Variants in TBC1D16 observed in about 807,000 individuals in gnomAD.
The protein encoded by TBC1D16 is CTD-2529O21.1.
A neutral mutation model predicts 74.7 loss-of-function variants in TBC1D16; 58 were observed. That is an observed-to-expected ratio of 0.78 (90% confidence interval 0.63 to 0.97). The LOEUF (loss-of-function observed/expected upper bound fraction) is 0.97. TBC1D16 is among the 50% of genes least tolerant of loss of function. The probability of loss-of-function intolerance (pLI) is 0.00; values close to 1 mark genes in which losing one functional copy is unlikely to be tolerated. For missense variants in TBC1D16, 1,014 were observed against 1,079.5 expected (o/e 0.94, Z 0.85); for synonymous variants, 493 against 474.7 (o/e 1.04, Z -0.50).
In TBC1D16 at chr17:80,013,526, G is replaced by T; in HGVS notation, c.22C>A (p.Arg8Ser). 6.5e-7 allele frequency: 1 copy of T among 1,546,896 alleles called. No homozygotes were observed. Among genetic ancestry groups the T allele is most frequent in the Non-Finnish European group, 8.7e-7 (1 of 1,146,970 alleles). MSLGRLL[R>S]RASSKASDLL... ...TCCGAGGCTTTGGAGGAGGCCCTGC[G>T]AAGGAGGCGGCCCAGAGACATTGCC... The change falls in exon 2 of 12, where the codon CGC becomes AGC. Residue 8 changes from arginine (R) to serine (S), a missense_variant. Transcript: ENST00000310924.
chr17:79,998,163 G>C (rs945451684), intron 3 of TBC1D16, among the ~76,000 whole-genome samples: 1 of 146,610 alleles, frequency 6.8e-6, no homozygotes, highest in Non-Finnish European at 1.5e-5. Flanking sequence ...GAAAAGAAAA[G>C]GAAAAAGAAT....
In TBC1D16 at chr17:79,947,809, C is replaced by T. The variant is rs73440361; in HGVS notation, c.1564G>A (p.Val522Met). 1.9e-4 allele frequency: 312 copies of T among 1,613,520 alleles called. No individual in the cohort carries two copies. The African/African-American group carries it at 3.2e-3, about 16-fold the overall frequency. ...SMRRILLNYAVYNPAVGYSQG... is the reference protein window; with the variant it reads ...SMRRILLNYAMYNPAVGYSQG... ...GAATAGCCGACGGCAGGGTTGTACA[C>T]GGCGTAGTTCAGCAGGATCCTCCTG... Residue 522 changes from valine to methionine, a missense_variant, in exon 9 of 12, where the codon GTG (valine) becomes ATG (methionine). By Grantham distance (21) the Val-to-Met change is conservative. Coordinates refer to ENST00000310924, the MANE Select transcript of TBC1D16 (RefSeq NM_019020.4).
At chr17:80,011,285 G>A (rs1274604352) in intron 2 of TBC1D16, among the ~76,000 whole-genome samples, 2 of 149,988 alleles carry the variant, frequency 1.3e-5, no homozygotes, top group East Asian at 2.0e-4. Flanking sequence ...GAGCTCAAGC[G>A]AACCGCCCAC....
chr17:80,014,032 C>T (rs2036001576), intron 1 of TBC1D16, among the ~76,000 whole-genome samples: 1 of 152,144 alleles, frequency 6.6e-6, no homozygotes, highest in Non-Finnish European at 1.5e-5. Flanking sequence ...CCACCTGCAT[C>T]AGCACAAATG....
At chr17:80,029,346 G>A (rs1393069192) in intron 1 of TBC1D16, among the ~76,000 whole-genome samples, 1 of 152,160 alleles carries the variant, frequency 6.6e-6, no homozygotes, top group Non-Finnish European at 1.5e-5. Flanking sequence ...TCACAATGCT[G>A]TTGGGAACTG....
At chr17:80,017,678 C>T (rs113700234) in intron 1 of TBC1D16, among the ~76,000 whole-genome samples, 10,044 of 76,138 alleles carry the variant, frequency 0.13, 396 homozygotes, top group Non-Finnish European at 0.15. Flanking sequence ...AAGACTCCAT[C>T]TCAAAAAAAA....
chr17:79,975,098 G>T lies in TBC1D16; in HGVS notation c.780-22280C>A, dbSNP rs1173782382. ...ACTGCCAGTGGGCGCAACGTTACTTGCAAGGCCACAAACACCCGGAACAAT... is the reference window on the plus strand; with the variant it reads ...ACTGCCAGTGGGCGCAACGTTACTTTCAAGGCCACAAACACCCGGAACAAT... On this transcript the variant is annotated intron_variant, in intron 3 of 11. Transcript: ENST00000310924. The surrounding 1 kb of genome is among the most constrained non-coding windows in gnomAD (Gnocchi z 4.5). 6.6e-6 allele frequency among the ~76,000 whole-genome samples: 1 copy of T among 152,206 alleles called. No individual in the cohort carries two copies. Among genetic ancestry groups the T allele is most frequent in the African/African-American group, 2.4e-5 (1 of 41,446 alleles).
At chr17:80,024,845 G>GAC (rs2036491304) in intron 1 of TBC1D16, among the ~76,000 whole-genome samples, 1 of 134,342 alleles carries the variant, frequency 7.4e-6, no homozygotes, top group Non-Finnish European at 1.5e-5. Flanking sequence ...ACACACCGTA[G>GAC]ACACACACCA....
chr17:79,963,868 G>A (rs1330712778), intron 3 of TBC1D16, among the ~76,000 whole-genome samples: 3 of 152,154 alleles, frequency 2.0e-5, no homozygotes, highest in Admixed American at 1.3e-4. Context: ...TCGGGCATTC[G>A]TGTCTCTTCT....
Position 80,001,267 on chromosome 17 carries a change from G to C in TBC1D16, c.779+8893C>G, listed in dbSNP as rs1041922099. Among the ~76,000 whole-genome samples the C allele has an allele frequency of 5.3e-5, 8 of 152,360 alleles. No individual in the cohort carries two copies. Among genetic ancestry groups the C allele is most frequent in the East Asian group, 1.9e-4 (1 of 5,190 alleles). On this transcript the variant is annotated intron_variant, in intron 3 of 11. Transcript: ENST00000310924. This position sits in a 1 kb window ranked among gnomAD's most constrained non-coding sequence, Gnocchi z 5.8. ...GTGGTGGCCACCTTGGCTTGGGCAG[G>C]GGGGAGTCTGGGGGAGGGAGGAACG...
chr17:80,028,063 C>T (rs2036646344), intron 1 of TBC1D16, among the ~76,000 whole-genome samples: 1 of 152,008 alleles, frequency 6.6e-6, no homozygotes, highest in Non-Finnish European at 1.5e-5. Flanking sequence ...CTCCGAGACG[C>T]TCCTTTTATA....
rs1187271145 is a variant in TBC1D16, at chr17:79,948,859, G to A, written c.1541+13C>T. 1 of 1,613,976 alleles carries A rather than the reference G, an allele frequency of 6.2e-7. No homozygotes were observed. ...CTTGCAGATGGGAAAGGAGCTGGCT[G>A]GGGAGGGAGTACCTCATGCTCTCCA... On this transcript the variant is annotated intron_variant, in intron 8 of 11. Transcript: ENST00000310924.
At chr17:80,019,310 CGGA>C (rs1478594722) in intron 1 of TBC1D16, among the ~76,000 whole-genome samples, 2 of 149,824 alleles carry the variant, frequency 1.3e-5, no homozygotes, top group Non-Finnish European at 1.5e-5. Flanking sequence ...TGCAGCTTTA[CGGA>C]GGAGAAGACA....
rs1165853773 is a variant in TBC1D16 at position 79,941,248 on chromosome 17, C to G, written c.2056-141G>C. The G allele has an allele frequency of 2.5e-6, 2 of 788,302 alleles. No individual in the cohort carries two copies. The highest frequency in any genetic ancestry group is 3.9e-6 in the Non-Finnish European group (2 of 515,948). 48.8% of individuals were successfully genotyped at this position (788,302 alleles called of 1,614,324 possible). On this transcript the variant is annotated intron_variant, in intron 11 of 11. Transcript: ENST00000310924. This position sits in a 1 kb window ranked among gnomAD's most constrained non-coding sequence, Gnocchi z 4.3. ...CTCACCGAGTCCTGGACTGAGGGCT[C>G]TGCCTGCATCTCCCACCATCACCGG...
In TBC1D16 at chr17:79,979,639, G is replaced by A. The variant is rs182210445; in HGVS notation, c.780-26821C>T. On this transcript the variant is annotated intron_variant, in intron 3 of 11. Transcript: ENST00000310924. This position sits in a 1 kb window ranked among gnomAD's most constrained non-coding sequence, Gnocchi z 4.8. ...TCGGTGCCATAAAAAGGCACACGTC[G>A]ACCTTCACTGTTTCCTGCAAACACA... Among the ~76,000 whole-genome samples the A allele has an allele frequency of 5.3e-5, 8 of 152,064 alleles. No homozygotes were observed. In the East Asian group the frequency reaches 1.6e-3, roughly 29 times the overall value.
rs2035807523 is a variant in TBC1D16 at position 80,009,777 on chromosome 17, A to G, written c.779+383T>C. Reference sequence around the variant, plus strand: ...ATGATGCCACCCGGGCCTCTTGGGCACTCGCTTGGGGACTGAAAATCTCCT... The same window carrying G: ...ATGATGCCACCCGGGCCTCTTGGGCGCTCGCTTGGGGACTGAAAATCTCCT... On this transcript the variant is annotated intron_variant, in intron 3 of 11. Coordinates refer to ENST00000310924, the MANE Select transcript of TBC1D16 (RefSeq NM_019020.4). The surrounding 1 kb of genome is among the most constrained non-coding windows in gnomAD (Gnocchi z 5.4). Among the ~76,000 whole-genome samples, 1 of 152,144 alleles carries G rather than the reference A, an allele frequency of 6.6e-6. No homozygotes were observed. Among genetic ancestry groups the G allele is most frequent in the Non-Finnish European group, 1.5e-5 (1 of 68,014 alleles).
At chr17:79,953,954 G>C (rs1260060384) in intron 3 of TBC1D16, among the ~76,000 whole-genome samples, 2 of 152,134 alleles carry the variant, frequency 1.3e-5, no homozygotes, top group East Asian at 3.9e-4. Flanking sequence ...ATATTTAGTA[G>C]AGACGAGGTT....
At position 79,956,945 on chromosome 17, in the gene TBC1D16, G is replaced by A. The variant is rs2033366010; in HGVS notation, c.780-4127C>T. 6.6e-6 allele frequency among the ~76,000 whole-genome samples: 1 copy of A among 152,222 alleles called. No homozygotes were observed. The highest frequency in any genetic ancestry group is 2.4e-5 in the African/African-American group (1 of 41,458). On this transcript the variant is annotated intron_variant, in intron 3 of 11. Coordinates refer to ENST00000310924, the MANE Select transcript of TBC1D16 (RefSeq NM_019020.4). The surrounding 1 kb of genome is among the most constrained non-coding windows in gnomAD (Gnocchi z 4.0). ...GGCACGTTGCTGGGGGAGGTGTGCG[G>A]TGGCTCCTGGGTCCAGGACTCTTGC... is the stretch of plus-strand genomic sequence containing the variant.
chr17:79,936,272 G>A lies in TBC1D16; in HGVS notation c.*4587C>T, dbSNP rs11150817. ...GCCCTCGGCGGAGGACACACAGCTG[G>A]GTGGGCGTGTGGGAGTGCAGGTGTG... On this transcript the variant is annotated 3_prime_UTR_variant, in exon 12 of 12. Coordinates refer to ENST00000310924, the MANE Select transcript of TBC1D16 (RefSeq NM_019020.4). The A allele has an allele frequency of 0.1, 15,439 of 152,302 alleles. 1,021 individuals are homozygous for A. Among genetic ancestry groups the A allele is most frequent in the Non-Finnish European group, 0.15 (10,243 of 68,006 alleles). The allele number at this position is 152,302 out of a possible 1,614,324, so 9.4% of individuals were successfully genotyped here.
Sources: gnomAD v4.1 joint callset for allele counts (sites outside exome capture counted in the v4.1 genomes callset) on GRCh38, gnomAD v4.1.1 for gene constraint, Gnocchi (gnomAD v3.1) non-coding constraint, MANE v1.5 for transcripts, NCBI Gene and HGNC (gene_info 2026-07-23, HGNC 2026-07-21) for gene names.